ZNF26: variants seen among roughly 807,000 people sequenced by gnomAD.
The protein encoded by ZNF26 is zinc finger protein 26, also known as epididymis luminal protein 179.
Under a neutral mutation model 54.9 loss-of-function variants are expected in ZNF26, and 32 were observed. The ratio of observed to expected loss-of-function variants is 0.58; its 90% confidence interval spans 0.44 to 0.78. The LOEUF is 0.78. ZNF26 is among the 30% of genes least tolerant of loss of function. ZNF26 has a pLI of 0.00. For missense variants in ZNF26, 524 were observed against 634.0 expected (o/e 0.83, Z 1.86); for synonymous variants, 221 against 209.2 (o/e 1.06, Z -0.49).
At chr12:133,009,899 T>TA (rs1387585713) in intron 3 of ZNF26, among the ~76,000 whole-genome samples, 5 of 152,140 alleles carry the variant, frequency 3.3e-5, no homozygotes, top group Non-Finnish European at 7.4e-5. Context: ...ACCTCTATTT[T>TA]AAAAAGTATT....
In ZNF26 at chr12:133,010,779, A is replaced by C; in HGVS notation, c.900A>C (p.Pro300=). Residue 300 remains proline, a synonymous_variant, in exon 4 of 4, where the codon CCA becomes CCC. Coordinates refer to ENST00000328654, the MANE Select transcript of ZNF26 (RefSeq NM_019591.4). ...ECGKAFSLKS[P]FVVHQRTHTG... Reference sequence around the variant, plus strand: ...GGAAAGCCTTTAGTTTGAAGTCTCCATTCGTTGTACACCAGAGAACTCATA... The same window carrying C: ...GGAAAGCCTTTAGTTTGAAGTCTCCCTTCGTTGTACACCAGAGAACTCATA... 6.2e-7 allele frequency: 1 copy of C among 1,613,878 alleles called. No homozygotes were observed. Among genetic ancestry groups the C allele is most frequent in the South Asian group, 1.1e-5 (1 of 91,066 alleles).
intron 1 of ZNF26, among the ~76,000 whole-genome samples, chr12:132,988,412 T>TAA (rs1952874665): frequency 1.3e-5 from 2 of 151,366 alleles, no homozygotes; most frequent in East Asian, 2.0e-4. Flanking sequence ...ATTAAAAATT[T>TAA]TTTTTTTTTT....
At chr12:132,990,515 G>C (rs1317811721) in intron 1 of ZNF26, among the ~76,000 whole-genome samples, 8 of 152,172 alleles carry the variant, frequency 5.3e-5, no homozygotes, top group African/African-American at 1.7e-4. Flanking sequence ...GTTTTCTAGG[G>C]TTTCTGTCTG....
intron 1 of ZNF26, among the ~76,000 whole-genome samples, chr12:133,002,366 C>G (rs1028330313): frequency 6.6e-6 from 1 of 152,178 alleles, no homozygotes; most frequent in African/African-American, 2.4e-5. Flanking sequence ...CCTTCTTCCA[C>G]TGGACTAACA....
chr12:132,991,793 C>G (rs1469740456), intron 1 of ZNF26, among the ~76,000 whole-genome samples: 3 of 151,840 alleles, frequency 2.0e-5, no homozygotes, highest in Non-Finnish European at 2.9e-5. Context: ...AAAAAATGAT[C>G]AGAAAAAAAA....
chr12:133,010,491 C>T lies in ZNF26; in HGVS notation c.612C>T (p.Cys204=), dbSNP rs1953446710. Reference sequence around the variant, plus strand: ...ATACAGGAGAGAGACCTTATGAATGCAGTAAATGTGAAAGAGCCTTCAGTG... The same window carrying T: ...ATACAGGAGAGAGACCTTATGAATGTAGTAAATGTGAAAGAGCCTTCAGTG... ...RIHTGERPYE[C]SKCERAFSAK... The change falls in exon 4 of 4, where the codon TGC becomes TGT. Residue 204 remains cysteine (C), a synonymous_variant. Transcript: ENST00000328654. The T allele has an allele frequency of 6.2e-7, 1 of 1,613,882 alleles. No individual in the cohort carries two copies. The highest frequency in any genetic ancestry group is 1.3e-5 in the African/African-American group (1 of 74,876).
rs998828245 is a variant in ZNF26 at position 133,024,019 on chromosome 12, G to A, written c.*12538G>A. Reference sequence around the variant, plus strand: ...ATTCTGACCCAGAACGGCTCAGTCAGACCTCTCCTGAATCCCTGACAAACA... The same window carrying A: ...ATTCTGACCCAGAACGGCTCAGTCAAACCTCTCCTGAATCCCTGACAAACA... On this transcript the variant is annotated 3_prime_UTR_variant, in exon 4 of 4. Coordinates refer to ENST00000328654, the MANE Select transcript of ZNF26 (RefSeq NM_019591.4). 1.3e-5 allele frequency: 2 copies of A among 152,192 alleles called. No individual in the cohort carries two copies. The highest frequency in any genetic ancestry group is 2.9e-5 in the Non-Finnish European group (2 of 68,052). The allele number at this position is 152,192 out of a possible 1,614,324, so 9.4% of individuals were successfully genotyped here. A position where few individuals can be genotyped will look rare whatever the true frequency, so the allele number is the denominator to read the frequency against.
chr12:132,993,027 C>CTTTTTTTTT (rs71079156), intron 1 of ZNF26, among the ~76,000 whole-genome samples: 7 of 129,420 alleles, frequency 5.4e-5, no homozygotes, highest in Non-Finnish European at 9.6e-5. Context: ...ACTAGTATTT[C>CTTTTTTTTT]TTTTTTTTTT....
Position 133,010,143 on chromosome 12 carries a change from G to A in ZNF26, c.264G>A (p.Trp88Ter), listed in dbSNP as rs1329068808. Residue 88 changes from tryptophan (W) to a stop codon, truncating the protein, a stop_gained, in exon 4 of 4, where the codon TGG becomes TGA. Transcript: ENST00000328654. LOFTEE classifies it high-confidence loss of function. ...TTGTTTGTTTTTTTGTAGATGGCTGGGAAGAATGGTACCAGAACAATCAAG... is the reference window on the plus strand; with the variant it reads ...TTGTTTGTTTTTTTGTAGATGGCTGAGAAGAATGGTACCAGAACAATCAAG... ...KISRQSCPDGWEEWYQNNQDE... is the reference protein window; with the variant it reads ...KISRQSCPDG 2 of 1,578,506 alleles carry A rather than the reference G, an allele frequency of 1.3e-6. No individual in the cohort carries two copies. The highest frequency in any genetic ancestry group is 2.8e-5 in the African/African-American group (2 of 72,566).
chr12:133,010,790 A>G lies in ZNF26; in HGVS notation c.911A>G (p.His304Arg), dbSNP rs1054460345. The change falls in exon 4 of 4, where the codon CAC (histidine) becomes CGC (arginine). Residue 304 changes from histidine (H) to arginine (R), a missense_variant. Transcript: ENST00000328654. ...AFSLKSPFVVHQRTHTGVKPH... is the reference protein window; with the variant it reads ...AFSLKSPFVVRQRTHTGVKPH... ...AGTTTGAAGTCTCCATTCGTTGTACACCAGAGAACTCATACAGGAGTGAAA... is the reference window on the plus strand; with the variant it reads ...AGTTTGAAGTCTCCATTCGTTGTACGCCAGAGAACTCATACAGGAGTGAAA... 8.1e-6 allele frequency: 13 copies of G among 1,613,990 alleles called. No homozygotes were observed. The highest frequency in any genetic ancestry group is 1.3e-5 in the African/African-American group (1 of 74,946).
rs1593657149 is a variant in ZNF26, at chr12:133,003,263, T to C, written c.34-3779T>C. 4.0e-5 allele frequency among the ~76,000 whole-genome samples: 6 copies of C among 151,062 alleles called. 1 individual carries two copies. Among genetic ancestry groups the C allele is most frequent in the Admixed American group, 4.0e-4 (6 of 15,184 alleles). ...GTTTATGTAGTTCCCTTTTCTTTTT[T>C]TTTTTTTTTTGAGATGGAGTCTCGC... On this transcript the variant is annotated intron_variant, in intron 1 of 3. Transcript: ENST00000328654.
chr12:132,999,094 G>A (rs1281611966), intron 1 of ZNF26, among the ~76,000 whole-genome samples: 4 of 152,188 alleles, frequency 2.6e-5, no homozygotes, highest in Non-Finnish European at 2.9e-5. Flanking sequence ...TTGTCAGTCA[G>A]GTGAGAGCTG....
intron 3 of ZNF26, among the ~76,000 whole-genome samples, chr12:133,009,318 C>T (rs1251994180): frequency 1.3e-5 from 2 of 152,190 alleles, no homozygotes; most frequent in Non-Finnish European, 2.9e-5. Flanking sequence ...TTAGGCTGGG[C>T]ACAGTGGCTC....
chr12:133,001,826 C>A lies in ZNF26; in HGVS notation c.34-5216C>A. On this transcript the variant is annotated intron_variant, in intron 1 of 3. Transcript: ENST00000328654. The surrounding 1 kb of genome is among the most constrained non-coding windows in gnomAD (Gnocchi z 4.7). ...AGAGTCCCGCGGCAGTCTTTGCCTT[C>A]AGAATTTTTCAGAGGAAAGCAGTTA... is the stretch of plus-strand genomic sequence containing the variant. 1.8e-6 allele frequency: 1 copy of A among 543,508 alleles called. No homozygotes were observed. The allele number at this position is 543,508 out of a possible 1,614,324, so 33.7% of individuals were successfully genotyped here.
At chr12:133,009,995 GC>G in intron 3 of ZNF26, 140 bp from the exon 4 acceptor site, 2 of 840,174 alleles carry the variant, frequency 2.4e-6, no homozygotes, top group Non-Finnish European at 3.4e-6. Context: ...CCCATGCTTG[GC>G]CAGTATTTCT....
rs1361922037 is a variant in ZNF26, at chr12:133,015,826, T to C, written c.*4345T>C. ...AAAAGGAACTCTTGACCTGAGACAG[T>C]TGGAAATATTACTTCTACTGGCAAA... On this transcript the variant is annotated 3_prime_UTR_variant, in exon 4 of 4. Coordinates refer to ENST00000328654, the MANE Select transcript of ZNF26 (RefSeq NM_019591.4). 3 of 152,216 alleles carry C rather than the reference T, an allele frequency of 2.0e-5. No homozygotes were observed. Among genetic ancestry groups the C allele is most frequent in the African/African-American group, 2.4e-5 (1 of 41,462 alleles). 9.4% of individuals were successfully genotyped at this position (152,216 alleles called of 1,614,324 possible).
chr12:133,026,524 T>C lies in ZNF26; in HGVS notation c.*15043T>C, dbSNP rs1953707857. ...GACAACTTCATATAGTTCAACTTTT[T>C]TTTTTTTTTTTTTTTTTTTTGATAC... On this transcript the variant is annotated 3_prime_UTR_variant, in exon 4 of 4. Coordinates refer to ENST00000328654, the MANE Select transcript of ZNF26 (RefSeq NM_019591.4). The C allele has an allele frequency of 4.1e-5, 1 of 24,176 alleles. No homozygotes were observed. 1.5% of individuals were successfully genotyped at this position (24,176 alleles called of 1,614,324 possible). A position where few individuals can be genotyped will look rare whatever the true frequency, so the allele number is the denominator to read the frequency against.
At chr12:132,987,562 G>C in intron 1 of ZNF26, 2 of 262,718 alleles carry the variant, frequency 7.6e-6, no homozygotes, top group Non-Finnish European at 1.2e-5. Context: ...CGGATGTGGT[G>C]CTCTACCATT....
At chr12:132,999,724 G>A (rs1294998625) in intron 1 of ZNF26, among the ~76,000 whole-genome samples, 4 of 151,004 alleles carry the variant, frequency 2.6e-5, no homozygotes, top group Non-Finnish European at 4.4e-5. Context: ...GGGGAGTCTC[G>A]CCCTTGTTGC....
Sources: allele counts gnomAD v4.1 joint callset (sites outside exome capture counted in the v4.1 genomes callset), GRCh38; gene constraint gnomAD v4.1.1; non-coding constraint Gnocchi (gnomAD v3.1); transcripts MANE v1.5; gene names NCBI Gene and HGNC (gene_info 2026-07-23, HGNC 2026-07-21).